The following MLIP variants were observed in gnomAD, a reference collection of about 807,000 sequenced individuals.
MLIP encodes muscular LMNA-interacting protein.
Under a neutral mutation model 84.8 loss-of-function variants are expected in MLIP, and 79 were observed. The ratio of observed to expected loss-of-function variants is 0.93; its 90% CI spans 0.78 to 1.12. The LOEUF (loss-of-function observed/expected upper bound fraction) is 1.12. Among genes scored for constraint, MLIP ranks in the 50% most tolerant of loss-of-function variants. The pLI is 0.00. For synonymous variants in MLIP, 504 were observed against 463.0 expected, an observed-to-expected ratio of 1.09 and a Z score of -1.14; for missense variants, 1,257 against 1,160.6, an observed-to-expected ratio of 1.08 and a Z score of -1.21.
chr6:54,173,260 G>A lies in MLIP; in HGVS notation c.2544+3688G>A, dbSNP rs186158428. 1.1e-3 allele frequency among the ~76,000 whole-genome samples: 169 copies of A among 151,808 alleles called. 1 individual carries two copies. The highest frequency in any genetic ancestry group is 1.1e-3 in the Non-Finnish European group (72 of 67,810). On this transcript the variant is annotated intron_variant, in intron 9 of 13. Coordinates refer to ENST00000502396, the MANE Select transcript of MLIP (RefSeq NM_001281747.2). Reference sequence around the variant, plus strand: ...CTTCATGTCAAAGTTTCTGCCATTTGATACTTCTACATACTTGTAGAAGTA... The same window carrying A: ...CTTCATGTCAAAGTTTCTGCCATTTAATACTTCTACATACTTGTAGAAGTA...
intron 9 of MLIP, among the ~76,000 whole-genome samples, chr6:54,172,807 T>G (rs1401051161): frequency 6.6e-6 from 1 of 151,752 alleles, no homozygotes; most frequent in East Asian, 1.9e-4. Context: ...ATACAGTCTG[T>G]TTTTTAGGAT....
intron 1 of MLIP, among the ~76,000 whole-genome samples, chr6:54,078,691 C>CTTTCT (rs1554144121): frequency 3.0e-5 from 4 of 133,350 alleles, no homozygotes; most frequent in East Asian, 4.3e-4. Context: ...TTCTTTCTTT[C>CTTTCT]TTTTTTTTTT....
chr6:54,044,636 GTTTT>G (rs11432361), intron 1 of MLIP, among the ~76,000 whole-genome samples: 1 of 145,834 alleles, frequency 6.9e-6, no homozygotes, highest in Non-Finnish European at 1.5e-5. Flanking sequence ...CGTGGTAGAC[GTTTT>G]TTTTTTTTTC....
chr6:54,195,279 T>C (rs1429307868), intron 10 of MLIP, among the ~76,000 whole-genome samples: 1 of 152,116 alleles, frequency 6.6e-6, no homozygotes, highest in Non-Finnish European at 1.5e-5. Flanking sequence ...GCAGTTTTGT[T>C]ACACATCTTA....
chr6:54,162,296 T>A (rs947847506), intron 8 of MLIP, among the ~76,000 whole-genome samples: 2 of 151,958 alleles, frequency 1.3e-5, no homozygotes, highest in Non-Finnish European at 2.9e-5. Context: ...CATGTGTAAA[T>A]TTCCTGAAGC....
intron 11 of MLIP, among the ~76,000 whole-genome samples, chr6:54,226,540 A>G (rs948526925): frequency 6.6e-6 from 1 of 152,132 alleles, no homozygotes; most frequent in South Asian, 2.1e-4. Context: ...CTAAAATATT[A>G]GCAGATAATT....
At chr6:54,225,222 A>G (rs1780496339) in intron 11 of MLIP, among the ~76,000 whole-genome samples, 1 of 152,122 alleles carries the variant, frequency 6.6e-6, no homozygotes, top group African/African-American at 2.4e-5. Context: ...CAAGCCTCAT[A>G]TATTTTACCT....
At chr6:54,044,266 A>G (rs1426900213) in intron 1 of MLIP, among the ~76,000 whole-genome samples, 3 of 152,202 alleles carry the variant, frequency 2.0e-5, no homozygotes, top group African/African-American at 7.2e-5. Context: ...AAAAGCTGCC[A>G]CAGTTCTTTA....
chr6:54,057,679 G>GT (rs1323945364), intron 1 of MLIP, among the ~76,000 whole-genome samples: 3 of 152,164 alleles, frequency 2.0e-5, no homozygotes, highest in Admixed American at 2.0e-4. Flanking sequence ...TTTTAAGGCA[G>GT]TTTTTTCCAT....
At chr6:54,102,657 T>C (rs1007421717) in intron 1 of MLIP, among the ~76,000 whole-genome samples, 2 of 152,198 alleles carry the variant, frequency 1.3e-5, no homozygotes, top group African/African-American at 4.8e-5. Context: ...AAATCCCTCC[T>C]GTCCTCTCTG....
chr6:54,256,420 G>A (rs1254595186), intron 12 of MLIP, among the ~76,000 whole-genome samples: 1 of 152,130 alleles, frequency 6.6e-6, no homozygotes, highest in East Asian at 1.9e-4. Flanking sequence ...GAAAGTGAAA[G>A]GGGTCCAATC....
intron 4 of MLIP, among the ~76,000 whole-genome samples, chr6:54,143,465 C>A (rs1227867580): frequency 1.3e-5 from 2 of 152,086 alleles, no homozygotes; most frequent in East Asian, 1.9e-4. Flanking sequence ...CTTGGCCCCC[C>A]AAACTGTTAG....
intron 1 of MLIP, among the ~76,000 whole-genome samples, chr6:54,100,936 C>G (rs1422393967): frequency 6.6e-6 from 1 of 152,088 alleles, no homozygotes; most frequent in Non-Finnish European, 1.5e-5. Flanking sequence ...AGAGAAAAGA[C>G]CATCCCAGTG....
Position 54,137,293 on chromosome 6 carries a change from C to T in MLIP, c.1224C>T (p.Ser408=), listed in dbSNP as rs1467078601. ...SGNLSKSGVK[S]PVPSRLALLT... ...ATCTTTCAAAGTCAGGGGTAAAATC[C>T]CCGGTGCCTTCCCGGCTTGCCCTTC... The change falls in exon 4 of 14, where the codon TCC becomes TCT. Residue 408 remains serine, a synonymous_variant. Coordinates refer to ENST00000502396, the MANE Select transcript of MLIP (RefSeq NM_001281747.2). The T allele has an allele frequency of 6.5e-7, 1 of 1,536,018 alleles. No homozygotes were observed. Among genetic ancestry groups the T allele is most frequent in the Non-Finnish European group, 8.7e-7 (1 of 1,146,888 alleles).
chr6:54,224,077 T>C (rs189011419), intron 11 of MLIP, among the ~76,000 whole-genome samples: 4 of 152,144 alleles, frequency 2.6e-5, no homozygotes, highest in East Asian at 1.9e-4. Context: ...CCTTATTCTT[T>C]GCATAAGAAA....
At chr6:54,082,824 T>TA (rs11284349) in intron 1 of MLIP, among the ~76,000 whole-genome samples, 4 of 152,174 alleles carry the variant, frequency 2.6e-5, no homozygotes, top group Admixed American at 6.5e-5. Context: ...TTATTTTATT[T>TA]AAAAAAACTG....
Position 54,189,721 on chromosome 6 carries a change from G to C in MLIP, c.2545-149G>C, listed in dbSNP as rs1033370732. 2.0e-5 allele frequency: 12 copies of C among 598,834 alleles called. No homozygotes were observed. In the Admixed American group the frequency reaches 4.0e-4, roughly 20 times the overall value. The allele number at this position is 598,834 out of a possible 1,614,324, so 37.1% of individuals were successfully genotyped here. On this transcript the variant is annotated intron_variant, in intron 9 of 13. Coordinates refer to ENST00000502396, the MANE Select transcript of MLIP (RefSeq NM_001281747.2). The stretch of plus-strand genomic sequence containing the variant: ...AAAAATATTAAAAATCATTTCTTTG[G>C]TGGCATAAGGATATTTTTCCTTTTC...
At chr6:54,246,524 G>A (rs911448975) in intron 12 of MLIP, among the ~76,000 whole-genome samples, 8 of 151,870 alleles carry the variant, frequency 5.3e-5, no homozygotes, top group Admixed American at 3.9e-4. Context: ...TTTTATTTGT[G>A]TGTATGTCTC....
chr6:54,107,194 T>G (rs114708752), upstream of MLIP, among the ~76,000 whole-genome samples: 1,906 of 152,282 alleles, frequency 0.013, 49 homozygotes, highest in African/African-American at 0.042. Flanking sequence ...TTTACTTTAA[T>G]TAAGGACTAC....
Sources: gnomAD v4.1 joint callset for allele counts (sites outside exome capture counted in the v4.1 genomes callset) on GRCh38, gnomAD v4.1.1 for gene constraint, MANE v1.5 for transcripts, NCBI Gene and HGNC (gene_info 2026-07-23, HGNC 2026-07-21) for gene names.